TRAM2: variants seen among roughly 807,000 people sequenced by gnomAD.
The protein encoded by TRAM2 is translocating chain-associated membrane protein 2.
Under a neutral mutation model 51.0 loss-of-function variants are expected in TRAM2, and 12 were observed. The ratio of observed to expected loss-of-function variants is 0.24; its 90% CI spans 0.15 to 0.38. The LOEUF (loss-of-function observed/expected upper bound fraction) is 0.38, where lower values mean the gene tolerates loss of function less well. Among genes scored for constraint, TRAM2 ranks in the 10% least tolerant of loss-of-function variants. The probability of loss-of-function intolerance (pLI) is 1.00; values close to 1 mark genes in which losing one functional copy is unlikely to be tolerated. For synonymous variants in TRAM2, 175 were observed against 179.4 expected (o/e 0.98, Z 0.20); for missense variants, 361 against 462.0 (o/e 0.78, Z 2.00).
At chr6:52,540,629 C>T (rs565494088) in intron 1 of TRAM2, among the ~76,000 whole-genome samples, 28 of 152,208 alleles carry the variant, frequency 1.8e-4, no homozygotes, top group Admixed American at 1.6e-3. Flanking sequence ...GACCCTCTCC[C>T]GACCTCAGAC....
At chr6:52,561,331 G>A (rs2114104026) in intron 1 of TRAM2, among the ~76,000 whole-genome samples, 1 of 152,326 alleles carries the variant, frequency 6.6e-6, no homozygotes, top group Admixed American at 6.5e-5. Flanking sequence ...CACCCAGGCT[G>A]AAGTGCAGTG....
At chr6:52,531,630 T>C (rs1457821710) in intron 2 of TRAM2, among the ~76,000 whole-genome samples, 2 of 152,206 alleles carry the variant, frequency 1.3e-5, no homozygotes, top group East Asian at 3.8e-4. Flanking sequence ...CTGAGGTGTC[T>C]GCGCCCTCAC....
chr6:52,536,441 T>C (rs1254670250), intron 1 of TRAM2, among the ~76,000 whole-genome samples: 1 of 152,160 alleles, frequency 6.6e-6, no homozygotes, highest in East Asian at 1.9e-4. Flanking sequence ...AGTTGTGCTG[T>C]GAAACAAAAA....
At position 52,499,786 on chromosome 6, in the gene TRAM2, GAACA is replaced by G. The variant is rs1399018745; in HGVS notation, c.*3407_*3410del. 1.3e-5 allele frequency: 2 copies of G among 152,238 alleles called. No individual in the cohort carries two copies. The highest frequency in any genetic ancestry group is 2.4e-5 in the African/African-American group (1 of 41,426). The allele number at this position is 152,238 out of a possible 1,614,324, so 9.4% of individuals were successfully genotyped here. On this transcript the variant is annotated 3_prime_UTR_variant, in exon 11 of 11. Coordinates refer to ENST00000182527, the MANE Select transcript of TRAM2 (RefSeq NM_012288.4). ...GTTGGGAAGTTATGCCTTGGGACAT[GAACA>G]GACAAGTTTCTCAGCAACCATTTCG...
At chr6:52,532,940 C>T (rs1766917033) in intron 2 of TRAM2, among the ~76,000 whole-genome samples, 1 of 152,088 alleles carries the variant, frequency 6.6e-6, no homozygotes, top group Admixed American at 6.5e-5. Context: ...AGTTATATAT[C>T]ACTCATATAA....
chr6:52,509,652 C>G (rs910596869), intron 4 of TRAM2, 66 bp from the exon 5 acceptor site: 1 of 1,507,044 alleles, frequency 6.6e-7, no homozygotes, highest in Non-Finnish European at 9.2e-7. Context: ...GCCCTGGGAC[C>G]GGTCCAGGGG....
In TRAM2 at chr6:52,507,998, G is replaced by A. The variant is rs376496820; in HGVS notation, c.555+236C>T. Among the ~76,000 whole-genome samples the A allele has an allele frequency of 5.9e-5, 9 of 152,300 alleles. 2 individuals are homozygous for A. Reference sequence around the variant, plus strand: ...TTGACATCTATAAGATGAGAGTTAGGTTTCCTCCAAAGCCACAGGTCTGGT... The same window carrying A: ...TTGACATCTATAAGATGAGAGTTAGATTTCCTCCAAAGCCACAGGTCTGGT... On this transcript the variant is annotated intron_variant, in intron 6 of 10. Transcript: ENST00000182527.
chr6:52,499,773 T>C lies in TRAM2; in HGVS notation c.*3424A>G, dbSNP rs1410946838. 1 of 152,204 alleles carries C rather than the reference T, an allele frequency of 6.6e-6. No homozygotes were observed. Among genetic ancestry groups the C allele is most frequent in the Non-Finnish European group, 1.5e-5 (1 of 68,078 alleles). The allele number at this position is 152,204 out of a possible 1,614,324, so 9.4% of individuals were successfully genotyped here. A position where few individuals can be genotyped will look rare whatever the true frequency, so the allele number is the denominator to read the frequency against. On this transcript the variant is annotated 3_prime_UTR_variant, in exon 11 of 11. Coordinates refer to ENST00000182527, the MANE Select transcript of TRAM2 (RefSeq NM_012288.4). ...GGGTTTCTTAAATGTTGGGAAGTTATGCCTTGGGACATGAACAGACAAGTT... is the reference window on the plus strand; with the variant it reads ...GGGTTTCTTAAATGTTGGGAAGTTACGCCTTGGGACATGAACAGACAAGTT...
rs1332440861 is a variant in TRAM2, at chr6:52,527,525, TGGGA to T, written c.184+8254_184+8257del. On this transcript the variant is annotated intron_variant, in intron 2 of 10. Coordinates refer to ENST00000182527, the MANE Select transcript of TRAM2 (RefSeq NM_012288.4). ...AGAAAGGGTGCGGGGTGGGGTGGGG[TGGGA>T]GGAAGAGCAAGATGATTCACTAGGA... is the stretch of plus-strand genomic sequence containing the variant. 1.1e-4 allele frequency among the ~76,000 whole-genome samples: 5 copies of T among 43,596 alleles called. No individual in the cohort carries two copies. In the East Asian group the frequency reaches 2.9e-3, roughly 25 times the overall value. The allele number at this position is 43,596 out of a possible 152,430, so 28.6% of individuals were successfully genotyped here.
intron 6 of TRAM2, 31 bp from the exon 7 acceptor site, chr6:52,507,654 G>A (rs375011586): frequency 7.1e-5 from 114 of 1,609,886 alleles, no homozygotes; most frequent in Non-Finnish European, 9.6e-5. Flanking sequence ...TGGTAAATTT[G>A]CTAATTCCCT....
At chr6:52,507,844 C>CA (rs2114062167) in intron 6 of TRAM2, among the ~76,000 whole-genome samples, 1 of 152,148 alleles carries the variant, frequency 6.6e-6, no homozygotes, top group Non-Finnish European at 1.5e-5. Context: ...GGTCTAGTGT[C>CA]AGAGGGTGAG....
chr6:52,505,653 AT>A lies in TRAM2; in HGVS notation c.820del (p.Met274TrpfsTer81). 6.2e-7 allele frequency: 1 copy of A among 1,613,744 alleles called. No homozygotes were observed. The highest frequency in any genetic ancestry group is 8.5e-7 in the Non-Finnish European group (1 of 1,179,714). On this transcript the variant is annotated frameshift_variant, in exon 9 of 11. Transcript: ENST00000182527. LOFTEE classifies it high-confidence loss of function. ...CTCGGGATCAAATGCCTGGTTTTCC[AT>A]GCGAGCCAGTCCAAAGCCAATGGCC... ...VLAIGFGLAR[M>X]ENQAFDPEKG...
At chr6:52,532,381 G>C (rs1766908965) in intron 2 of TRAM2, among the ~76,000 whole-genome samples, 1 of 152,124 alleles carries the variant, frequency 6.6e-6, no homozygotes, top group South Asian at 2.1e-4. Flanking sequence ...GAAAACACCA[G>C]CACAATGTTT....
chr6:52,571,855 A>G (rs1186579847), intron 1 of TRAM2, among the ~76,000 whole-genome samples: 17 of 152,236 alleles, frequency 1.1e-4, no homozygotes, highest in Admixed American at 1.1e-3. Context: ...AGTCAGTACC[A>G]ATAGTCATCC....
intron 1 of TRAM2, among the ~76,000 whole-genome samples, chr6:52,539,675 T>G (rs924047552): frequency 6.6e-6 from 1 of 152,204 alleles, no homozygotes; most frequent in Admixed American, 6.5e-5. Flanking sequence ...TGACTTGCCT[T>G]GTTTGAGGTG....
At chr6:52,572,654 T>C (rs757947651) in intron 1 of TRAM2, among the ~76,000 whole-genome samples, 24 of 152,346 alleles carry the variant, frequency 1.6e-4, no homozygotes, top group Non-Finnish European at 3.4e-4. Flanking sequence ...CACACGTCTT[T>C]CTATGAACAC....
intron 1 of TRAM2, among the ~76,000 whole-genome samples, chr6:52,542,555 C>T (rs749900308): frequency 1.3e-5 from 2 of 152,084 alleles, no homozygotes; most frequent in African/African-American, 2.4e-5. Context: ...CTTTTAGCAA[C>T]GCCTAGAGAT....
In TRAM2 at chr6:52,576,997, TCCGCCCGCCGGCCCG is replaced by T; in HGVS notation, c.-97_-83del. On this transcript the variant is annotated 5_prime_UTR_variant, in exon 1 of 11. Coordinates refer to ENST00000182527, the MANE Select transcript of TRAM2 (RefSeq NM_012288.4). Reference sequence around the variant, plus strand: ...GCAAACTTCTCCAGCACCGGCCCGGTCCGCCCGCCGGCCCGCCGCCCGCTCTCCCACAGCCGCTCG... The same window carrying T: ...GCAAACTTCTCCAGCACCGGCCCGGTCCGCCCGCTCTCCCACAGCCGCTCG... 1 of 1,326,084 alleles carries T rather than the reference TCCGCCCGCCGGCCCG, an allele frequency of 7.5e-7. No homozygotes were observed. The highest frequency in any genetic ancestry group is 9.6e-7 in the Non-Finnish European group (1 of 1,043,634). The allele number at this position is 1,326,084 out of a possible 1,614,324, so 82.1% of individuals were successfully genotyped here. A position where few individuals can be genotyped will look rare whatever the true frequency, so the allele number is the denominator to read the frequency against.
At position 52,559,384 on chromosome 6, in the gene TRAM2, G is replaced by A. The variant is rs1021676408; in HGVS notation, c.120+17412C>T. On this transcript the variant is annotated intron_variant, in intron 1 of 10. Transcript: ENST00000182527. Reference sequence around the variant, plus strand: ...CCTCCATCTCCTTCTCTTTAAAATAGAGTAAAGGACTCAGGCTGTGAAGTC... The same window carrying A: ...CCTCCATCTCCTTCTCTTTAAAATAAAGTAAAGGACTCAGGCTGTGAAGTC... 2.0e-4 allele frequency among the ~76,000 whole-genome samples: 30 copies of A among 152,148 alleles called. 1 individual carries two copies. The highest frequency in any genetic ancestry group is 6.5e-4 in the African/African-American group (27 of 41,430).
Sources: gnomAD v4.1 joint callset for allele counts (sites outside exome capture counted in the v4.1 genomes callset) on GRCh38, gnomAD v4.1.1 for gene constraint, MANE v1.5 for transcripts, NCBI Gene and HGNC (gene_info 2026-07-23, HGNC 2026-07-21) for gene names.